Variants in NLRP11 observed in about 807,000 individuals in gnomAD.
NLRP11 encodes NACHT, LRR and PYD domains-containing protein 11.
NLRP11 carries 53 observed loss-of-function variants against 79.3 expected under a neutral mutation model. That is an observed-to-expected ratio of 0.67 (90% CI 0.54 to 0.84). The LOEUF (loss-of-function observed/expected upper bound fraction) is 0.84, where lower values mean the gene tolerates loss of function less well. Ranked by LOEUF, NLRP11 falls within the 40% of genes least tolerant of loss-of-function variation. The pLI is 0.00. For synonymous variants in NLRP11, 518 were observed against 462.6 expected, an observed-to-expected ratio of 1.12 and a Z score of -1.54; for missense variants, 1,264 against 1,255.0, an observed-to-expected ratio of 1.01 and a Z score of -0.11.
At chr19:55,790,019 T>G (rs887485738) in intron 7 of NLRP11, among the ~76,000 whole-genome samples, 4 of 152,184 alleles carry the variant, frequency 2.6e-5, no homozygotes, top group African/African-American at 4.8e-5. Context: ...GCTGTTTCTC[T>G]GTTAACAGCT....
intron 1 of NLRP11, among the ~76,000 whole-genome samples, chr19:55,823,132 G>T (rs1319375829): frequency 6.5e-3 from 803 of 124,466 alleles, no homozygotes; most frequent in African/African-American, 0.015. Flanking sequence ...CTAACTGGGA[G>T]GCACCCCCCA....
In NLRP11 at chr19:55,802,675, T is replaced by C. The variant is rs574200337; in HGVS notation, c.2004-936A>G. On this transcript the variant is annotated intron_variant, in intron 4 of 9. Transcript: ENST00000589093. Reference sequence around the variant, plus strand: ...CTAGAAGAACTATTTAAAGTTCATATAGAACAAAAAAAGAGCCCCAATACC... The same window carrying C: ...CTAGAAGAACTATTTAAAGTTCATACAGAACAAAAAAAGAGCCCCAATACC... Among the ~76,000 whole-genome samples, 41 of 152,212 alleles carry C rather than the reference T, an allele frequency of 2.7e-4. 1 individual carries two copies. In the South Asian group the frequency reaches 7.7e-3, roughly 28 times the overall value.
chr19:55,811,517 G>A (rs1221962456), intron 2 of NLRP11, among the ~76,000 whole-genome samples: 3 of 151,960 alleles, frequency 2.0e-5, no homozygotes, highest in African/African-American at 7.3e-5. Context: ...CTGGAATGTG[G>A]CACACTGGCT....
At chr19:55,788,951 G>C in exon 9 of NLRP11, 1 of 1,613,828 alleles carries the variant, frequency 6.2e-7, no homozygotes, top group South Asian at 1.1e-5. Flanking sequence ...TCGACAGCAG[G>C]CACTGGTTAA....
At position 55,785,526 on chromosome 19, in the gene NLRP11, CACACACACACACAT is replaced by C. The variant is rs1469378583; in HGVS notation, c.*85_*98del. 8.0e-4 allele frequency: 860 copies of C among 1,076,278 alleles called. 4 individuals are homozygous for C. The African/African-American group carries it at 0.012, about 15-fold the overall frequency. 66.7% of individuals were successfully genotyped at this position (1,076,278 alleles called of 1,614,324 possible). A position where few individuals can be genotyped will look rare whatever the true frequency, so the allele number is the denominator to read the frequency against. ...ACACACACACACACACACACACACA[CACACACACACACAT>C]CAAATAGGAAAATTATAGTCCTAAT... On this transcript the variant is annotated 3_prime_UTR_variant, in exon 10 of 10. Transcript: ENST00000589093.
intron 1 of NLRP11, among the ~76,000 whole-genome samples, chr19:55,823,451 G>A (rs1341859441): frequency 1.4e-5 from 2 of 139,946 alleles, no homozygotes; most frequent in Middle Eastern, 3.4e-3. Context: ...GGCTTCAGAC[G>A]ATCAAATTAC....
intron 1 of NLRP11, among the ~76,000 whole-genome samples, chr19:55,823,094 G>A (rs1394932227): frequency 6.8e-6 from 1 of 147,344 alleles, no homozygotes; most frequent in Non-Finnish European, 1.5e-5. Flanking sequence ...TCCTCAAGTG[G>A]GTCCCTGACC....
At chr19:55,792,599 GA>G (rs879321807) in intron 6 of NLRP11, 128 bp from the exon 7 acceptor site, 5 of 653,692 alleles carry the variant, frequency 7.6e-6, no homozygotes, top group African/African-American at 7.3e-5. Context: ...CTCTACCAAT[GA>G]CTTTCTTATT....
At chr19:55,801,495 T>C in intron 5 of NLRP11, 77 bp downstream of exon 5, 1 of 1,170,062 alleles carries the variant, frequency 8.5e-7, no homozygotes, top group South Asian at 1.3e-5. Flanking sequence ...GTAGTGTTAT[T>C]GAAGGGGCAC....
intron 9 of NLRP11, among the ~76,000 whole-genome samples, chr19:55,788,198 G>A (rs1003418223): frequency 4.6e-5 from 7 of 152,094 alleles, no homozygotes; most frequent in African/African-American, 9.7e-5. Context: ...TTATTCTCTC[G>A]TAATGAGGGG....
chr19:55,803,119 T>A (rs533929633), intron 4 of NLRP11, among the ~76,000 whole-genome samples: 1 of 152,204 alleles, frequency 6.6e-6, no homozygotes, highest in Non-Finnish European at 1.5e-5. Flanking sequence ...GAGACTCAGA[T>A]GGGCAGATCA....
exon 10 of NLRP11, chr19:55,785,533 ACACACAT>A: frequency 2.5e-5 from 29 of 1,153,674 alleles, no homozygotes; most frequent in Middle Eastern, 2.5e-4. Context: ...ACACACACAC[ACACACAT>A]CAAATAGGAA....
intron 1 of NLRP11, among the ~76,000 whole-genome samples, chr19:55,822,648 T>TGACG (rs1275719595): frequency 6.6e-6 from 1 of 151,884 alleles, no homozygotes; most frequent in African/African-American, 2.4e-5. Flanking sequence ...AAGAAAGGGG[T>TGACG]GACGGACGCA....
chr19:55,794,308 T>A (rs1229455295), intron 6 of NLRP11, among the ~76,000 whole-genome samples: 1 of 152,220 alleles, frequency 6.6e-6, no homozygotes, highest in South Asian at 2.1e-4. Context: ...AAAAAACTTG[T>A]AGATATGAGA....
exon 10 of NLRP11, chr19:55,785,508 C>G (rs1444258008): frequency 2.5e-6 from 2 of 810,390 alleles, no homozygotes; most frequent in Middle Eastern, 3.6e-4. Flanking sequence ...CACACACACA[C>G]ACACACACAC....
chr19:55,809,006 T>C lies in NLRP11; in HGVS notation c.1604A>G (p.Asp535Gly), dbSNP rs201860451. ...CATATGGTGCGTCAACTTTTCCGGGTCACGGTCCAAATGTTTCATGTATCC... is the reference window on the plus strand; with the variant it reads ...CATATGGTGCGTCAACTTTTCCGGGCCACGGTCCAAATGTTTCATGTATCC... Residue 535 changes from aspartate to glycine, a missense_variant, in exon 3 of 10, where the codon GAC becomes GGC. Coordinates refer to ENST00000589093, the Ensembl canonical transcript of NLRP11. This position sits in a 1 kb window ranked among gnomAD's most constrained non-coding sequence, Gnocchi z 4.5. The C allele has an allele frequency of 6.2e-7, 1 of 1,614,114 alleles. No homozygotes were observed. Among genetic ancestry groups the C allele is most frequent in the East Asian group, 2.2e-5 (1 of 44,870 alleles).
chr19:55,821,631 TGGGAGAACCCA>T (rs2122891697), intron 1 of NLRP11, among the ~76,000 whole-genome samples: 1 of 151,988 alleles, frequency 6.6e-6, no homozygotes, highest in African/African-American at 2.4e-5. Flanking sequence ...TTGTTAGTGA[TGGGAGAACCCA>T]TTAACATTGT....
intron 6 of NLRP11, among the ~76,000 whole-genome samples, chr19:55,793,587 A>AAAAG (rs1978503067): frequency 1.5e-5 from 2 of 135,946 alleles, no homozygotes; most frequent in Non-Finnish European, 3.2e-5. Context: ...AAAAAAAAAA[A>AAAAG]GTTGAAAACA....
chr19:55,798,643 G>A (rs187753993), intron 5 of NLRP11, among the ~76,000 whole-genome samples: 10 of 152,178 alleles, frequency 6.6e-5, no homozygotes, highest in South Asian at 4.1e-4. Flanking sequence ...ACCTGAACAC[G>A]CATCCCTGAA....
Sources: gnomAD v4.1 joint callset for allele counts (sites outside exome capture counted in the v4.1 genomes callset) on GRCh38, gnomAD v4.1.1 for gene constraint, Gnocchi (gnomAD v3.1) non-coding constraint, MANE v1.5 for transcripts, NCBI Gene and HGNC (gene_info 2026-07-23, HGNC 2026-07-21) for gene names.